Variants in AGBL4 observed in about 807,000 individuals in gnomAD.
The protein encoded by AGBL4 is cytosolic carboxypeptidase 6.
A neutral mutation model predicts 66.4 loss-of-function variants in AGBL4; 58 were observed. The ratio of observed to expected loss-of-function variants is 0.87; its 90% CI spans 0.71 to 1.09. The LOEUF (loss-of-function observed/expected upper bound fraction) is 1.09. Ranked by LOEUF, AGBL4 falls within the 50% of genes least tolerant of loss-of-function variation. The pLI is 0.00. For synonymous variants in AGBL4, 234 were observed against 222.9 expected, an observed-to-expected ratio of 1.05 and a Z score of -0.44; for missense variants, 579 against 631.0, an observed-to-expected ratio of 0.92 and a Z score of 0.88.
chr1:49,978,880 T>G (rs1658808958), intron 1 of AGBL4, among the ~76,000 whole-genome samples: 1 of 152,182 alleles, frequency 6.6e-6, no homozygotes. Flanking sequence ...TGTGAGCCAT[T>G]AGAAAGCTCA....
At chr1:49,721,711 A>G (rs1428460905) in intron 2 of AGBL4, among the ~76,000 whole-genome samples, 1 of 152,198 alleles carries the variant, frequency 6.6e-6, no homozygotes, top group African/African-American at 2.4e-5. Context: ...CAAAAGGCCA[A>G]GCAAGAATTG....
chr1:48,888,102 C>T (rs552509265), intron 5 of AGBL4, among the ~76,000 whole-genome samples: 4 of 152,276 alleles, frequency 2.6e-5, no homozygotes, highest in Admixed American at 6.5e-5. Context: ...ACCAAATTTA[C>T]AGCAAATAGT....
intron 3 of AGBL4, among the ~76,000 whole-genome samples, chr1:49,526,139 G>A (rs1461507410): frequency 6.6e-6 from 1 of 151,820 alleles, no homozygotes; most frequent in Non-Finnish European, 1.5e-5. Context: ...CCCTGCCTTA[G>A]GATTAGCAAT....
chr1:49,176,804 GTCTC>G (rs1295625568), intron 4 of AGBL4, among the ~76,000 whole-genome samples: 7 of 151,928 alleles, frequency 4.6e-5, no homozygotes, highest in Non-Finnish European at 1.0e-4. Context: ...TTAACTTTCT[GTCTC>G]TCTCTCTCTT....
intron 6 of AGBL4, among the ~76,000 whole-genome samples, chr1:48,844,859 G>C (rs764850869): frequency 1.3e-5 from 2 of 152,184 alleles, no homozygotes; most frequent in East Asian, 3.8e-4. Flanking sequence ...ATTCATCTCT[G>C]TATGGTAGGA....
intron 3 of AGBL4, among the ~76,000 whole-genome samples, chr1:49,678,297 A>G (rs1027797334): frequency 6.6e-6 from 1 of 152,110 alleles, no homozygotes; most frequent in African/African-American, 2.4e-5. Context: ...TTCAGAGTCT[A>G]TGGTGGTATC....
chr1:49,043,855 C>A (rs1411673754), intron 5 of AGBL4, among the ~76,000 whole-genome samples: 2 of 152,276 alleles, frequency 1.3e-5, no homozygotes, highest in South Asian at 2.1e-4. Context: ...CTCTTTACTG[C>A]TCTCTTTTTT....
intron 6 of AGBL4, among the ~76,000 whole-genome samples, chr1:48,757,127 C>T (rs932836223): frequency 1.3e-5 from 2 of 152,164 alleles, no homozygotes; most frequent in Admixed American, 6.5e-5. Context: ...CAGGTAGTTT[C>T]CCTGGGAGTT....
chr1:49,673,349 C>T (rs957990090), intron 3 of AGBL4, among the ~76,000 whole-genome samples: 3 of 152,138 alleles, frequency 2.0e-5, no homozygotes, highest in Non-Finnish European at 4.4e-5. Context: ...TATATACCAG[C>T]AGTGGAACTG....
chr1:49,012,678 C>T lies in AGBL4; in HGVS notation c.594+32906G>A, dbSNP rs79846165. Among the ~76,000 whole-genome samples, 54 of 152,324 alleles carry T rather than the reference C, an allele frequency of 3.5e-4. No homozygotes were observed. In the East Asian group the frequency reaches 0.01, roughly 29 times the overall value. The stretch of plus-strand genomic sequence containing the variant: ...GACCTGTACCTGAAATTCTACCATT[C>T]TATTTGCTCTTTCAGTTTAAACATT... On this transcript the variant is annotated intron_variant, in intron 5 of 13. Coordinates refer to ENST00000371839, the MANE Select transcript of AGBL4 (RefSeq NM_032785.4).
chr1:48,808,942 G>C (rs1169805505), intron 6 of AGBL4, among the ~76,000 whole-genome samples: 1 of 152,176 alleles, frequency 6.6e-6, no homozygotes, highest in Non-Finnish European at 1.5e-5. Flanking sequence ...ATATTAAGGT[G>C]TGTTTTTATA....
chr1:48,958,059 C>T (rs559508040), intron 5 of AGBL4, among the ~76,000 whole-genome samples: 113 of 151,860 alleles, frequency 7.4e-4, no homozygotes, highest in African/African-American at 2.6e-3. Flanking sequence ...GGGGTTTCAC[C>T]GCGTTACCCA....
chr1:49,509,296 C>A (rs917257094), intron 3 of AGBL4, among the ~76,000 whole-genome samples: 1 of 151,732 alleles, frequency 6.6e-6, no homozygotes, highest in Non-Finnish European at 1.5e-5. Flanking sequence ...AGAGGATAAC[C>A]AATTATTTTT....
chr1:49,068,191 T>A (rs1404060643), intron 4 of AGBL4, among the ~76,000 whole-genome samples: 3 of 152,144 alleles, frequency 2.0e-5, no homozygotes, highest in African/African-American at 7.2e-5. Context: ...TACCAAATAA[T>A]GGTTCATTTT....
intron 3 of AGBL4, among the ~76,000 whole-genome samples, chr1:49,323,344 C>T (rs1645164071): frequency 6.6e-6 from 1 of 152,000 alleles, no homozygotes; most frequent in African/African-American, 2.4e-5. Flanking sequence ...TGCAGTGGCA[C>T]CATCTCAGCT....
At chr1:49,383,474 G>C (rs1023831447) in intron 3 of AGBL4, among the ~76,000 whole-genome samples, 1 of 152,056 alleles carries the variant, frequency 6.6e-6, no homozygotes. Context: ...ACAGGATAGA[G>C]AGCCCCAAAA....
At chr1:48,596,972 T>A (rs914897857) in intron 9 of AGBL4, among the ~76,000 whole-genome samples, 1 of 152,188 alleles carries the variant, frequency 6.6e-6, no homozygotes, top group African/African-American at 2.4e-5. Flanking sequence ...TCCTACACTC[T>A]GGCCTTCTAG....
chr1:48,757,886 C>T (rs1451953081), intron 6 of AGBL4, among the ~76,000 whole-genome samples: 1 of 152,182 alleles, frequency 6.6e-6, no homozygotes, highest in Non-Finnish European at 1.5e-5. Flanking sequence ...TTACTGTCTT[C>T]AGGGGCTATG....
chr1:49,268,409 A>AAT, intron 3 of AGBL4: 1 of 133,008 alleles, frequency 7.5e-6, no homozygotes, highest in East Asian at 2.4e-4. Context: ...TTTTTTTTTA[A>AAT]ACACACACAC....
Sources: allele counts gnomAD v4.1 joint callset (sites outside exome capture counted in the v4.1 genomes callset), GRCh38; gene constraint gnomAD v4.1.1; transcripts MANE v1.5; gene names NCBI Gene and HGNC (gene_info 2026-07-23, HGNC 2026-07-21).